Variants in IGF1R observed in about 807,000 individuals in gnomAD.
IGF1R encodes the protein insulin like growth factor 1 receptor, also known as insulin-like growth factor 1 receptor.
Under a neutral mutation model 144.6 loss-of-function variants are expected in IGF1R, and 44 were observed. That is an observed-to-expected ratio of 0.30 (90% CI 0.24 to 0.39). IGF1R has a LOEUF of 0.39. IGF1R is among the 10% of genes least tolerant of loss of function. The pLI is 1.00. For missense variants in IGF1R, 1,355 were observed against 1,833.7 expected, an observed-to-expected ratio of 0.74 and a Z score of 4.77; for synonymous variants, 795 against 722.8, an observed-to-expected ratio of 1.10 and a Z score of -1.60.
chr15:98,801,815 A>T (rs192453448), intron 2 of IGF1R, among the ~76,000 whole-genome samples: 1 of 152,304 alleles, frequency 6.6e-6, no homozygotes, highest in Non-Finnish European at 1.5e-5. Flanking sequence ...TTTAAACAGG[A>T]TGACTCCCAG....
chr15:98,677,295 G>A (rs1468266113), intron 1 of IGF1R, among the ~76,000 whole-genome samples: 3 of 152,074 alleles, frequency 2.0e-5, no homozygotes, highest in African/African-American at 7.2e-5. Context: ...GGTATTTTCT[G>A]TACTTATCTT....
At chr15:98,661,955 C>CTTTTTTT (rs1567062333) in intron 1 of IGF1R, among the ~76,000 whole-genome samples, 36 of 108,222 alleles carry the variant, frequency 3.3e-4, no homozygotes, top group African/African-American at 1.4e-3. Context: ...TGAATAGGGC[C>CTTTTTTT]CTTTTTTTTT....
chr15:98,753,336 C>T (rs1302986921), intron 2 of IGF1R, among the ~76,000 whole-genome samples: 2 of 151,146 alleles, frequency 1.3e-5, no homozygotes, highest in Non-Finnish European at 2.9e-5. Context: ...CCCGCCTGAG[C>T]CCCCCAAATA....
intron 2 of IGF1R, among the ~76,000 whole-genome samples, chr15:98,801,362 C>T (rs2056360058): frequency 1.3e-5 from 2 of 152,206 alleles, no homozygotes; most frequent in African/African-American, 4.8e-5. Flanking sequence ...CCCCTCCCTG[C>T]ACTGCTTCCT....
intron 2 of IGF1R, among the ~76,000 whole-genome samples, chr15:98,863,484 G>C (rs1484977668): frequency 6.6e-6 from 1 of 152,112 alleles, no homozygotes; most frequent in Non-Finnish European, 1.5e-5. Context: ...TTGCCAAATG[G>C]TGATTTTCTA....
chr15:98,947,678 G>A (rs2016605010), intron 19 of IGF1R, among the ~76,000 whole-genome samples: 1 of 152,162 alleles, frequency 6.6e-6, no homozygotes, highest in South Asian at 2.1e-4. Context: ...TTTTCCAGTG[G>A]TTTGATCTTC....
intron 2 of IGF1R, among the ~76,000 whole-genome samples, chr15:98,774,194 CAA>C (rs1258264324): frequency 2.0e-5 from 3 of 152,180 alleles, no homozygotes; most frequent in Non-Finnish European, 4.4e-5. Context: ...CAAATCAGAT[CAA>C]GTTCTCTCTC....
chr15:98,726,569 G>A (rs796139658), intron 2 of IGF1R, among the ~76,000 whole-genome samples: 3 of 152,232 alleles, frequency 2.0e-5, no homozygotes, highest in African/African-American at 7.2e-5. Context: ...TATGAGAAAG[G>A]AAAGATGAAA....
At chr15:98,886,102 G>A (rs2013627440) in intron 2 of IGF1R, among the ~76,000 whole-genome samples, 1 of 152,128 alleles carries the variant, frequency 6.6e-6, no homozygotes, top group South Asian at 2.1e-4. Flanking sequence ...ACAGGCGTGA[G>A]CCACCACGCC....
At chr15:98,851,501 C>T (rs1658837029) in intron 2 of IGF1R, among the ~76,000 whole-genome samples, 1 of 152,222 alleles carries the variant, frequency 6.6e-6, no homozygotes, top group Non-Finnish European at 1.5e-5. Context: ...CCTTCTCCTA[C>T]CTTCCCAGTC....
chr15:98,944,969 A>G (rs1426316718), intron 19 of IGF1R, among the ~76,000 whole-genome samples: 5 of 152,250 alleles, frequency 3.3e-5, no homozygotes, highest in Non-Finnish European at 5.9e-5. Context: ...GAGTCATCGA[A>G]GAGGTGTGTC....
chr15:98,959,337 G>A lies in IGF1R; in HGVS notation c.*1895G>A. ...CTGCTGAGTCCAAGGGAGCAGCAGA[G>A]CGTGGTCCGGCAGGGCCTGTTGTGG... On this transcript the variant is annotated 3_prime_UTR_variant, in exon 21 of 21. Transcript: ENST00000650285. 4.3e-6 allele frequency: 1 copy of A among 233,732 alleles called. No individual in the cohort carries two copies. The highest frequency in any genetic ancestry group is 6.0e-5 in the East Asian group (1 of 16,590). The allele number at this position is 233,732 out of a possible 1,614,324, so 14.5% of individuals were successfully genotyped here.
In IGF1R at chr15:98,959,970, GGTGTGTGTGTGTGTATGTGTGGGGT is replaced by G. The variant is rs1284206094; in HGVS notation, c.*2540_*2564del. The G allele has an allele frequency of 3.4e-5, 8 of 232,000 alleles. No individual in the cohort carries two copies. The highest frequency in any genetic ancestry group is 4.4e-5 in the African/African-American group (2 of 45,102). 14.4% of individuals were successfully genotyped at this position (232,000 alleles called of 1,614,324 possible). A position where few individuals can be genotyped will look rare whatever the true frequency, so the allele number is the denominator to read the frequency against. Reference sequence around the variant, plus strand: ...TTATGAATTTAAATTTCAAGGAAAGGGTGTGTGTGTGTGTATGTGTGGGGTGTGTGTGTGTGAGAGTGATGGGACA... The same window carrying G: ...TTATGAATTTAAATTTCAAGGAAAGGGTGTGTGTGTGAGAGTGATGGGACA... On this transcript the variant is annotated 3_prime_UTR_variant, in exon 21 of 21. Coordinates refer to ENST00000650285, the MANE Select transcript of IGF1R (RefSeq NM_000875.5).
chr15:98,900,483 A>C (rs1031484735), intron 5 of IGF1R: 1 of 152,250 alleles, frequency 6.6e-6, no homozygotes, highest in Non-Finnish European at 1.5e-5. Flanking sequence ...ATCTGCCCCA[A>C]CTGGATAAAG....
chr15:98,932,629 A>G (rs1170533163), intron 15 of IGF1R, among the ~76,000 whole-genome samples: 1 of 152,224 alleles, frequency 6.6e-6, no homozygotes, highest in African/African-American at 2.4e-5. Flanking sequence ...TCAGAGATAA[A>G]TGGCTGGAGA....
At chr15:98,772,752 T>C (rs2055620196) in intron 2 of IGF1R, among the ~76,000 whole-genome samples, 2 of 151,914 alleles carry the variant, frequency 1.3e-5, no homozygotes, top group South Asian at 2.1e-4. Context: ...TTTTTTTTTT[T>C]CCTTGTTGGG....
At chr15:98,942,778 A>G in intron 18 of IGF1R, 145 bp from the exon 19 acceptor site, 1 of 952,828 alleles carries the variant, frequency 1.0e-6, no homozygotes, top group Non-Finnish European at 1.6e-6. Context: ...TAAAATTGCA[A>G]ACCCTAATAT....
chr15:98,879,099 AG>A (rs2013237027), intron 2 of IGF1R, among the ~76,000 whole-genome samples: 2 of 152,182 alleles, frequency 1.3e-5, no homozygotes, highest in Non-Finnish European at 2.9e-5. Flanking sequence ...ACGCCGAAGC[AG>A]GGCCGGTCCA....
chr15:98,872,996 T>C (rs1378857540), intron 2 of IGF1R, among the ~76,000 whole-genome samples: 1 of 152,152 alleles, frequency 6.6e-6, no homozygotes, highest in Non-Finnish European at 1.5e-5. Flanking sequence ...TGCTTTTTAA[T>C]ATATTTTTGA....
Sources: allele counts gnomAD v4.1 joint callset (sites outside exome capture counted in the v4.1 genomes callset), GRCh38; gene constraint gnomAD v4.1.1; transcripts MANE v1.5; gene names NCBI Gene and HGNC (gene_info 2026-07-23, HGNC 2026-07-21).